Variants in BCL7C observed in about 807,000 individuals in gnomAD.
The protein encoded by BCL7C is B-cell CLL/lymphoma 7 protein family member C.
Under a neutral mutation model 26.2 loss-of-function variants are expected in BCL7C, and 8 were observed. The ratio of observed to expected loss-of-function variants is 0.30; its 90% CI spans 0.18 to 0.55. BCL7C has a LOEUF of 0.55. BCL7C is among the 20% of genes least tolerant of loss of function. The probability of loss-of-function intolerance (pLI) is 0.93; values close to 1 mark genes in which losing one functional copy is unlikely to be tolerated. For missense variants in BCL7C, 262 were observed against 298.5 expected, an observed-to-expected ratio of 0.88 and a Z score of 0.90; for synonymous variants, 90 against 116.5, an observed-to-expected ratio of 0.77 and a Z score of 1.47.
At position 30,877,488 on chromosome 16, in the gene BCL7C, C is replaced by G. The variant is rs573457831; in HGVS notation, c.528+11372G>C. On this transcript the variant is annotated intron_variant, in intron 5 of 5. Coordinates refer to the BCL7C transcript ENST00000380317. ...CGGAGTCTCGCTCTTTCACCAGGCC[C>G]GAGTGCAGTGGCACTATCTCGGCTC... Among the ~76,000 whole-genome samples the G allele has an allele frequency of 4.6e-5, 7 of 150,972 alleles. No individual in the cohort carries two copies. In the South Asian group the frequency reaches 6.3e-4, roughly 14 times the overall value.
intron 5 of BCL7C, among the ~76,000 whole-genome samples, chr16:30,839,268 A>G (rs1300257942): frequency 1.3e-5 from 2 of 152,194 alleles, no homozygotes; most frequent in African/African-American, 4.8e-5. Flanking sequence ...ACACTTGTCT[A>G]TTGGGCTAGA....
downstream of BCL7C, among the ~76,000 whole-genome samples, chr16:30,883,809 G>T (rs566279514): frequency 6.9e-6 from 1 of 145,344 alleles, no homozygotes; most frequent in Non-Finnish European, 1.5e-5. Context: ...GAGCCACCAC[G>T]CCAGGCCCAA....
At chr16:30,869,654 A>G (rs1054284121) in intron 5 of BCL7C, among the ~76,000 whole-genome samples, 4 of 151,894 alleles carry the variant, frequency 2.6e-5, no homozygotes, top group Admixed American at 2.6e-4. Flanking sequence ...TGGGACTACA[A>G]GTGAGGACAA....
At chr16:30,874,672 A>C (rs1420253465) in intron 5 of BCL7C, among the ~76,000 whole-genome samples, 1 of 152,160 alleles carries the variant, frequency 6.6e-6, no homozygotes, top group East Asian at 1.9e-4. Flanking sequence ...CCCCTGAGCC[A>C]GGGCCATTAT....
intron 5 of BCL7C, among the ~76,000 whole-genome samples, chr16:30,858,788 G>C (rs541824227): frequency 6.6e-6 from 1 of 152,140 alleles, no homozygotes. Context: ...AGAAGAGAAC[G>C]GGAACAGTGG....
chr16:30,872,536 A>AG (rs1277331095), intron 5 of BCL7C, among the ~76,000 whole-genome samples: 1 of 152,198 alleles, frequency 6.6e-6, no homozygotes, highest in African/African-American at 2.4e-5. Flanking sequence ...CCGTTGAGAG[A>AG]GGGTGAAAGC....
chr16:30,871,657 G>T (rs767672914), intron 5 of BCL7C, among the ~76,000 whole-genome samples: 36 of 151,974 alleles, frequency 2.4e-4, no homozygotes, highest in Non-Finnish European at 4.1e-4. Flanking sequence ...GCTTATTTTT[G>T]CATTTTTAGT....
chr16:30,842,493 T>C (rs2054608458), intron 5 of BCL7C, among the ~76,000 whole-genome samples: 1 of 152,160 alleles, frequency 6.6e-6, no homozygotes, highest in South Asian at 2.1e-4. Context: ...TAAGGAATAA[T>C]TAAAGAAAAG....
At chr16:30,877,615 A>G (rs2054969750) in intron 5 of BCL7C, among the ~76,000 whole-genome samples, 1 of 149,570 alleles carries the variant, frequency 6.7e-6, no homozygotes, top group South Asian at 2.1e-4. Flanking sequence ...AATTTGTTGT[A>G]TTTTTAGTAG....
At chr16:30,838,461 G>C (rs1567306539) in intron 5 of BCL7C, among the ~76,000 whole-genome samples, 1 of 152,188 alleles carries the variant, frequency 6.6e-6, no homozygotes, top group Non-Finnish European at 1.5e-5. Flanking sequence ...CTCCTTGGAG[G>C]ATTTTGGATA....
At chr16:30,863,888 G>C (rs2054798955) in intron 5 of BCL7C, among the ~76,000 whole-genome samples, 1 of 152,038 alleles carries the variant, frequency 6.6e-6, no homozygotes, top group African/African-American at 2.4e-5. Flanking sequence ...ACTCCCTCTT[G>C]GAGTGGATAG....
intron 5 of BCL7C, chr16:30,876,203 GC>G (rs2143047908): frequency 6.6e-6 from 1 of 152,406 alleles, no homozygotes; most frequent in South Asian, 2.1e-4. Flanking sequence ...TCACAGCCAT[GC>G]ACAGCGACAC....
chr16:30,853,463 T>C (rs1038338133), intron 5 of BCL7C, among the ~76,000 whole-genome samples: 10 of 152,210 alleles, frequency 6.6e-5, no homozygotes, highest in Non-Finnish European at 1.2e-4. Flanking sequence ...GAATCCCTCC[T>C]GTAGGACCTG....
intron 5 of BCL7C, among the ~76,000 whole-genome samples, chr16:30,877,660 C>T (rs555678354): frequency 2.8e-4 from 42 of 149,258 alleles, no homozygotes; most frequent in Admixed American, 1.5e-3. Flanking sequence ...AGGATGGTCT[C>T]GATCTCCTGA....
At chr16:30,858,591 T>C (rs773263612) in intron 5 of BCL7C, among the ~76,000 whole-genome samples, 5 of 152,146 alleles carry the variant, frequency 3.3e-5, no homozygotes, top group Admixed American at 6.6e-5. Context: ...TGTGGTTACT[T>C]CCTCAATGCC....
chr16:30,880,586 A>C (rs1439987272), intron 5 of BCL7C, among the ~76,000 whole-genome samples: 4 of 150,388 alleles, frequency 2.7e-5, no homozygotes. Flanking sequence ...GACTCTGGGG[A>C]GTTGGAGATG....
rs2055160842 is a variant in BCL7C at position 30,887,943 on chromosome 16, C to T, written c.576G>A (p.Glu192=). 3.1e-6 allele frequency: 5 copies of T among 1,606,814 alleles called. No individual in the cohort carries two copies. The highest frequency in any genetic ancestry group is 4.2e-6 in the Non-Finnish European group (5 of 1,177,016). Residue 192 remains glutamate, a synonymous_variant, in exon 6 of 6, where the codon GAG becomes GAA. Coordinates refer to ENST00000215115, the MANE Select transcript of BCL7C (RefSeq NM_004765.4). ...PVFEPVPPVP[E]AAQGDTEDSE... ...AGTCCTCTGTGTCACCCTGGGCTGC[C>T]TCAGGGACAGGTGGCACTGGCTCAA...
At chr16:30,875,453 C>A (rs937916941) in intron 5 of BCL7C, 2 of 152,364 alleles carry the variant, frequency 1.3e-5, no homozygotes, top group Non-Finnish European at 1.5e-5. Flanking sequence ...CAAGGCTGCG[C>A]CGCCGGCCTT....
chr16:30,836,012 G>A (rs2054567245), intron 5 of BCL7C, among the ~76,000 whole-genome samples: 2 of 151,812 alleles, frequency 1.3e-5, no homozygotes, highest in African/African-American at 4.8e-5. Context: ...CAGCACTTTG[G>A]GAGGCTGAGG....
Sources: allele counts gnomAD v4.1 joint callset (sites outside exome capture counted in the v4.1 genomes callset), GRCh38; gene constraint gnomAD v4.1.1; transcripts MANE v1.5; gene names NCBI Gene and HGNC (gene_info 2026-07-23, HGNC 2026-07-21).